The following PGAP4 variants were observed in gnomAD, a reference collection of about 807,000 sequenced individuals.
PGAP4 encodes the protein GPI-N-acetylgalactosamine transferase PGAP4.
PGAP4 carries 12 observed loss-of-function variants against 28.2 expected under a neutral mutation model. The ratio of observed to expected loss-of-function variants is 0.42; its 90% CI spans 0.27 to 0.69. The LOEUF (loss-of-function observed/expected upper bound fraction) is 0.69. Among genes scored for constraint, PGAP4 ranks in the 30% least tolerant of loss-of-function variants. The pLI is 0.22. For synonymous variants in PGAP4, 205 were observed against 211.8 expected (o/e 0.97, Z 0.28); for missense variants, 425 against 513.5 (o/e 0.83, Z 1.67).
At chr9:101,482,207 G>A (rs1465860967) in intron 1 of PGAP4, among the ~76,000 whole-genome samples, 1 of 152,216 alleles carries the variant, frequency 6.6e-6, no homozygotes, top group Non-Finnish European at 1.5e-5. Context: ...CACCACTTTG[G>A]GACGCCGAGG....
intron 2 of PGAP4, among the ~76,000 whole-genome samples, chr9:101,504,209 G>GTTTT (rs3081858): frequency 8.8e-4 from 20 of 22,690 alleles, no homozygotes; most frequent in South Asian, 1.9e-3. Context: ...GTGTGTGTTT[G>GTTTT]TTTTTTTTTT....
intron 2 of PGAP4, among the ~76,000 whole-genome samples, chr9:101,529,776 G>A (rs937495957): frequency 1.5e-4 from 23 of 152,308 alleles, no homozygotes; most frequent in Middle Eastern, 3.4e-3. Context: ...GAGGGGGCTC[G>A]TTTTTGTAGG....
chr9:101,506,902 T>G (rs749931764), intron 2 of PGAP4, among the ~76,000 whole-genome samples: 2 of 152,102 alleles, frequency 1.3e-5, no homozygotes, highest in South Asian at 4.1e-4. Context: ...AGGTAGCAAT[T>G]TGTTGAGGAT....
chr9:101,505,742 A>G (rs1826843630), intron 2 of PGAP4, among the ~76,000 whole-genome samples: 1 of 152,098 alleles, frequency 6.6e-6, no homozygotes, highest in African/African-American at 2.4e-5. Context: ...TTTCTTCTTT[A>G]GCATTCTGCC....
intron 1 of PGAP4, among the ~76,000 whole-genome samples, chr9:101,478,775 C>T (rs926186111): frequency 4.6e-5 from 7 of 152,328 alleles, no homozygotes; most frequent in African/African-American, 1.2e-4. Context: ...AGTGTTGGGA[C>T]GGCATGGAAC....
intron 2 of PGAP4, among the ~76,000 whole-genome samples, chr9:101,517,329 T>C (rs1826951383): frequency 6.6e-6 from 1 of 152,182 alleles, no homozygotes; most frequent in African/African-American, 2.4e-5. Context: ...GTGTTTCTTG[T>C]TGCTTGGAAA....
At chr9:101,491,181 C>A (rs575202245), upstream of PGAP4, among the ~76,000 whole-genome samples, 3 of 152,132 alleles carry the variant, frequency 2.0e-5, no homozygotes, top group African/African-American at 7.2e-5. Flanking sequence ...GGCAATGGTA[C>A]GCTTATTCTG....
At chr9:101,516,243 C>A (rs943308382) in intron 2 of PGAP4, among the ~76,000 whole-genome samples, 1 of 151,900 alleles carries the variant, frequency 6.6e-6, no homozygotes, top group South Asian at 2.1e-4. Flanking sequence ...TATTCCCTTC[C>A]AAAAAAAGTC....
chr9:101,525,596 A>T (rs1827028993), intron 2 of PGAP4, among the ~76,000 whole-genome samples: 1 of 151,330 alleles, frequency 6.6e-6, no homozygotes, highest in Non-Finnish European at 1.5e-5. Flanking sequence ...AATCTCAGCT[A>T]CTCAGGAAGC....
chr9:101,501,528 A>C (rs551728212), intron 2 of PGAP4: 3 of 389,230 alleles, frequency 7.7e-6, no homozygotes, highest in African/African-American at 4.2e-5. Context: ...AGTAGATTAC[A>C]TCAACATGAT....
At chr9:101,493,172 T>G (rs1826706669) in intron 2 of PGAP4, among the ~76,000 whole-genome samples, 1 of 150,678 alleles carries the variant, frequency 6.6e-6, no homozygotes, top group African/African-American at 2.5e-5. Context: ...GAGAATCACT[T>G]GAACCTGGGA....
intron 1 of PGAP4, among the ~76,000 whole-genome samples, chr9:101,477,403 C>T (rs939743069): frequency 6.6e-6 from 1 of 152,012 alleles, no homozygotes; most frequent in Non-Finnish European, 1.5e-5. Context: ...AATACGATCT[C>T]GGTGCATTCA....
chr9:101,506,663 A>G (rs1826851246), intron 2 of PGAP4, among the ~76,000 whole-genome samples: 1 of 152,058 alleles, frequency 6.6e-6, no homozygotes, highest in African/African-American at 2.4e-5. Context: ...ACTCAGTGGC[A>G]TATTGGCCAT....
At chr9:101,505,389 T>A (rs895562709) in intron 2 of PGAP4, among the ~76,000 whole-genome samples, 1 of 152,058 alleles carries the variant, frequency 6.6e-6, no homozygotes, top group African/African-American at 2.4e-5. Flanking sequence ...GATTACAAGA[T>A]TCTAAAATGG....
rs115917819 is a variant in PGAP4 at position 101,506,621 on chromosome 9, G to A, written c.-164-17421C>T. Among the ~76,000 whole-genome samples the A allele has an allele frequency of 1.4e-3, 209 of 152,110 alleles. 1 individual carries two copies. The highest frequency in any genetic ancestry group is 4.5e-3 in the African/African-American group (185 of 41,514). On this transcript the variant is annotated intron_variant, in intron 2 of 3. Transcript: ENST00000374851. ...TGTCCTAGATACAGAGGAAGAGGAC[G>A]GTCTACAAAATGCCCCTGACTTAAC...
intron 2 of PGAP4, among the ~76,000 whole-genome samples, chr9:101,522,619 T>C (rs1434017813): frequency 6.6e-6 from 1 of 152,160 alleles, no homozygotes; most frequent in Non-Finnish European, 1.5e-5. Context: ...TATGTGTAAG[T>C]TGAGTCTCCT....
At chr9:101,513,616 AT>A (rs760559022) in intron 2 of PGAP4, among the ~76,000 whole-genome samples, 21 of 152,142 alleles carry the variant, frequency 1.4e-4, no homozygotes, top group Non-Finnish European at 2.6e-4. Context: ...TAGTTGCCTA[AT>A]TTGAGTTGGC....
At chr9:101,518,282 C>T (rs1588209850) in intron 2 of PGAP4, among the ~76,000 whole-genome samples, 1 of 152,038 alleles carries the variant, frequency 6.6e-6, no homozygotes, top group Non-Finnish European at 1.5e-5. Context: ...TCCAGTCCAT[C>T]GATCTTTTTT....
At chr9:101,520,684 C>T (rs1242897180) in intron 2 of PGAP4, among the ~76,000 whole-genome samples, 13 of 152,138 alleles carry the variant, frequency 8.5e-5, no homozygotes, top group Admixed American at 8.5e-4. Context: ...TTGACTTCCT[C>T]TTTACCGATT....
Sources: allele counts gnomAD v4.1 joint callset (sites outside exome capture counted in the v4.1 genomes callset), GRCh38; gene constraint gnomAD v4.1.1; transcripts MANE v1.5; gene names NCBI Gene and HGNC (gene_info 2026-07-23, HGNC 2026-07-21).